Variants in DIAPH2 observed in about 807,000 individuals in gnomAD.
The protein encoded by DIAPH2 is diaphanous related formin 2, also known as protein diaphanous homolog 2.
Under a neutral mutation model 92.7 loss-of-function variants are expected in DIAPH2, and 35 were observed. That is an observed-to-expected ratio of 0.38 (90% CI 0.29 to 0.50). The LOEUF (loss-of-function observed/expected upper bound fraction) is 0.50, where lower values mean the gene tolerates loss of function less well. Ranked by LOEUF, DIAPH2 falls within the 20% of genes least tolerant of loss-of-function variation. The pLI is 0.94. For synonymous variants in DIAPH2, 301 were observed against 280.4 expected (o/e 1.07, Z -0.73); for missense variants, 701 against 819.5 (o/e 0.86, Z 1.77).
At chrX:97,349,076 A>G (rs1023023706) in intron 24 of DIAPH2, among the ~76,000 whole-genome samples, 1 of 88,871 alleles carries the variant, frequency 1.1e-5, no homozygotes, top group Non-Finnish European at 2.2e-5. Flanking sequence ...GTATATATAT[A>G]TATATATTTT....
At chrX:96,961,448 G>T (rs1475436619) in intron 16 of DIAPH2, among the ~76,000 whole-genome samples, 6 of 70,712 alleles carry the variant, frequency 8.5e-5, no homozygotes, top group African/African-American at 2.8e-4. Flanking sequence ...TGGTTTATCA[G>T]TTTTATCTTT....
intron 17 of DIAPH2, among the ~76,000 whole-genome samples, chrX:97,031,391 A>C (rs1384642176): frequency 9.0e-6 from 1 of 110,672 alleles, no homozygotes; most frequent in Non-Finnish European, 1.9e-5. Flanking sequence ...AAAATACAGA[A>C]AGTTGGAAAA....
At chrX:97,217,674 G>A (rs1377206702) in intron 22 of DIAPH2, among the ~76,000 whole-genome samples, 2 of 112,389 alleles carry the variant, frequency 1.8e-5, no homozygotes, top group Non-Finnish European at 3.8e-5. Context: ...AAGGCCGGGC[G>A]TGTTGGCTCA....
intron 5 of DIAPH2, among the ~76,000 whole-genome samples, chrX:96,901,335 A>G (rs1181043165): frequency 3.8e-5 from 4 of 106,559 alleles, no homozygotes; most frequent in Middle Eastern, 9.9e-3. Context: ...AATTGAGGTT[A>G]TTTGCATCTT....
chrX:97,515,332 G>A (rs755575191), intron 26 of DIAPH2, among the ~76,000 whole-genome samples: 21 of 112,628 alleles, frequency 1.9e-4, no homozygotes, highest in East Asian at 8.4e-4. Flanking sequence ...GACCCCTTGC[G>A]CTTCCTGAGT....
chrX:97,290,377 C>T (rs929203041), intron 23 of DIAPH2, among the ~76,000 whole-genome samples: 4 of 111,149 alleles, frequency 3.6e-5, no homozygotes, highest in East Asian at 2.8e-4. Context: ...GGGAACAGGG[C>T]GGGCAAAGCT....
chrX:96,866,339 C>A (rs769255841), intron 4 of DIAPH2, among the ~76,000 whole-genome samples: 3 of 111,685 alleles, frequency 2.7e-5, no homozygotes, highest in African/African-American at 9.7e-5. Flanking sequence ...TTTAAAATAA[C>A]CTAAGGAATA....
At chrX:97,492,999 TCTC>T (rs1442447967) in intron 26 of DIAPH2, among the ~76,000 whole-genome samples, 1 of 112,269 alleles carries the variant, frequency 8.9e-6, no homozygotes, top group African/African-American at 3.2e-5. Flanking sequence ...CTATCTCTCT[TCTC>T]CTTTGAGATT....
intron 5 of DIAPH2, chrX:96,885,281 A>G (rs2065252408): frequency 2.3e-6 from 1 of 429,129 alleles, no homozygotes; most frequent in Non-Finnish European, 4.1e-6. Context: ...TCAGAGAGAG[A>G]CGGTGATGGA....
chrX:96,939,619 T>TAAACAC (rs1556303201), intron 12 of DIAPH2, among the ~76,000 whole-genome samples: 1 of 57,622 alleles, frequency 1.7e-5, no homozygotes, highest in Non-Finnish European at 3.3e-5. Context: ...CACACACATA[T>TAAACAC]ACACACACAC....
intron 5 of DIAPH2, among the ~76,000 whole-genome samples, chrX:96,888,164 G>C (rs1281210410): frequency 9.2e-6 from 1 of 109,120 alleles, no homozygotes; most frequent in Non-Finnish European, 1.9e-5. Context: ...AGGTTCAAGT[G>C]ATTCTCCTGC....
At chrX:96,717,623 T>A (rs1253314431) in intron 1 of DIAPH2, among the ~76,000 whole-genome samples, 1 of 104,156 alleles carries the variant, frequency 9.6e-6, no homozygotes, top group Non-Finnish European at 2.0e-5. Flanking sequence ...GCATGGTTTA[T>A]CTTTTATCCT....
At chrX:97,051,478 A>T (rs879230952) in intron 17 of DIAPH2, among the ~76,000 whole-genome samples, 1 of 104,591 alleles carries the variant, frequency 9.6e-6, no homozygotes, top group Admixed American at 1.0e-4. Flanking sequence ...TACTTCTTTG[A>T]TGTCTTAGTG....
chrX:97,014,121 A>G (rs2066245223), intron 17 of DIAPH2, among the ~76,000 whole-genome samples: 1 of 111,938 alleles, frequency 8.9e-6, no homozygotes, highest in Middle Eastern at 4.2e-3. Flanking sequence ...AAATATGGAA[A>G]GATGAGCTTT....
chrX:96,808,393 T>C (rs1416240578), intron 4 of DIAPH2, among the ~76,000 whole-genome samples: 1 of 111,963 alleles, frequency 8.9e-6, no homozygotes, highest in Non-Finnish European at 1.9e-5. Flanking sequence ...AAATGTTTTT[T>C]ACTAAGCAGA....
intron 21 of DIAPH2, among the ~76,000 whole-genome samples, chrX:97,120,840 C>T (rs1183960075): frequency 2.7e-5 from 3 of 110,234 alleles, no homozygotes; most frequent in Non-Finnish European, 5.7e-5. Flanking sequence ...CATCCATCTC[C>T]ATCCATTTCC....
chrX:96,959,811 G>A lies in DIAPH2; in HGVS notation c.1935+1663G>A, dbSNP rs189697342. Among the ~76,000 whole-genome samples the A allele has an allele frequency of 1.2e-4, 13 of 111,228 alleles. No homozygotes were observed. In the East Asian group the frequency reaches 3.4e-3, roughly 29 times the overall value. On this transcript the variant is annotated intron_variant, in intron 16 of 26. Transcript: ENST00000324765. ...TTTTTATATATTGTGGGAGATATAGGTCAGGTTTAATTCTTTTGCAAATGG... is the reference window on the plus strand; with the variant it reads ...TTTTTATATATTGTGGGAGATATAGATCAGGTTTAATTCTTTTGCAAATGG...
chrX:97,171,855 G>A (rs1367225943), intron 22 of DIAPH2, among the ~76,000 whole-genome samples: 2 of 109,834 alleles, frequency 1.8e-5, no homozygotes, highest in Non-Finnish European at 3.8e-5. Flanking sequence ...CAGGAGAATG[G>A]CGTGAACCCG....
At chrX:96,970,161 T>C (rs899688016) in intron 17 of DIAPH2, among the ~76,000 whole-genome samples, 8 of 111,469 alleles carry the variant, frequency 7.2e-5, no homozygotes, top group Non-Finnish European at 1.5e-4. Context: ...TCATTAGAGA[T>C]AGTGGCCTGC....
Sources: allele counts gnomAD v4.1 joint callset (sites outside exome capture counted in the v4.1 genomes callset), GRCh38; gene constraint gnomAD v4.1.1; transcripts MANE v1.5; gene names NCBI Gene and HGNC (gene_info 2026-07-23, HGNC 2026-07-21).